CAMSAP1: variants seen among roughly 807,000 people sequenced by gnomAD.
CAMSAP1 encodes the protein calmodulin-regulated spectrin-associated protein 1.
In CAMSAP1, 58 loss-of-function variants were observed where a neutral mutation model predicts 143.5. That is an observed-to-expected ratio of 0.40 (90% CI 0.33 to 0.50). The LOEUF (loss-of-function observed/expected upper bound fraction) is 0.50. Ranked by LOEUF, CAMSAP1 falls within the 20% of genes least tolerant of loss-of-function variation. CAMSAP1 has a pLI of 0.45. For synonymous variants in CAMSAP1, 945 were observed against 859.3 expected, an observed-to-expected ratio of 1.10 and a Z score of -1.74; for missense variants, 1,969 against 2,115.7, an observed-to-expected ratio of 0.93 and a Z score of 1.36.
At chr9:135,871,780 G>GT (rs1837578570) in intron 3 of CAMSAP1, among the ~76,000 whole-genome samples, 1 of 151,796 alleles carries the variant, frequency 6.6e-6, no homozygotes, top group South Asian at 2.1e-4. Flanking sequence ...AAAAAAAAAG[G>GT]TAAGTTATCT....
intron 5 of CAMSAP1, among the ~76,000 whole-genome samples, chr9:135,850,845 C>T (rs1226550032): frequency 1.3e-5 from 2 of 152,178 alleles, no homozygotes; most frequent in African/African-American, 2.4e-5. Context: ...ACAAGGTTTC[C>T]GTGTTTGTAA....
chr9:135,809,760 T>A lies in CAMSAP1; in HGVS notation c.*1549A>T, dbSNP rs989410110. ...AATCATACAGCCTTTAGTTCCCTAT[T>A]TACAGGACAGAGAGCGGCTGTGTCG... On this transcript the variant is annotated 3_prime_UTR_variant, in exon 17 of 17. Coordinates refer to ENST00000389532, the MANE Select transcript of CAMSAP1 (RefSeq NM_015447.4). 1 of 152,620 alleles carries A rather than the reference T, an allele frequency of 6.6e-6. No homozygotes were observed. Among genetic ancestry groups the A allele is most frequent in the African/African-American group, 2.4e-5 (1 of 41,444 alleles). The allele number at this position is 152,620 out of a possible 1,614,324, so 9.5% of individuals were successfully genotyped here.
chr9:135,880,017 A>G (rs1837887106), intron 3 of CAMSAP1, among the ~76,000 whole-genome samples: 1 of 151,862 alleles, frequency 6.6e-6, no homozygotes, highest in African/African-American at 2.4e-5. Flanking sequence ...AATGTTAACC[A>G]TTTTCATAGG....
At chr9:135,865,418 C>T in intron 4 of CAMSAP1, 2 of 1,530,546 alleles carry the variant, frequency 1.3e-6, no homozygotes, top group East Asian at 4.9e-5. Flanking sequence ...CAGAGCAGGT[C>T]CACGTGTGGA....
At chr9:135,895,976 C>T (rs1838436127) in intron 1 of CAMSAP1, among the ~76,000 whole-genome samples, 1 of 152,002 alleles carries the variant, frequency 6.6e-6, no homozygotes, top group South Asian at 2.1e-4. Flanking sequence ...GAAACAGGAA[C>T]AAGAAACAGA....
At chr9:135,867,340 T>C (rs1359229313) in intron 3 of CAMSAP1, among the ~76,000 whole-genome samples, 2 of 152,136 alleles carry the variant, frequency 1.3e-5, no homozygotes, top group Non-Finnish European at 2.9e-5. Flanking sequence ...TTTGTATGCA[T>C]GATTAAAAGA....
intron 5 of CAMSAP1, among the ~76,000 whole-genome samples, chr9:135,861,209 C>A (rs1448988577): frequency 1.3e-5 from 2 of 152,206 alleles, no homozygotes; most frequent in African/African-American, 4.8e-5. Flanking sequence ...CATGGAAACT[C>A]AGGCCCAAGG....
At chr9:135,879,750 T>C (rs1588499086) in intron 3 of CAMSAP1, among the ~76,000 whole-genome samples, 1 of 151,946 alleles carries the variant, frequency 6.6e-6, no homozygotes, top group East Asian at 1.9e-4. Context: ...AGGGAAATCA[T>C]CGTGGCTGGA....
Position 135,858,455 on chromosome 9 carries a change from T to C in CAMSAP1, c.808+4012A>G, listed in dbSNP as rs574320180. 3.9e-5 allele frequency among the ~76,000 whole-genome samples: 6 copies of C among 152,314 alleles called. 1 individual carries two copies. The highest frequency in any genetic ancestry group is 3.9e-4 in the East Asian group (2 of 5,182). ...CAAAACAGGTAAAACCCTGCCCCTG[T>C]TGAGCTCACACTAGCAAGTCCCACT... On this transcript the variant is annotated intron_variant, in intron 5 of 16. Transcript: ENST00000389532.
chr9:135,855,864 A>C (rs1385924163), intron 5 of CAMSAP1, among the ~76,000 whole-genome samples: 2 of 152,014 alleles, frequency 1.3e-5, no homozygotes, highest in African/African-American at 4.8e-5. Context: ...CATCCTGGCT[A>C]ACACGGTGAA....
intron 7 of CAMSAP1, among the ~76,000 whole-genome samples, chr9:135,844,730 C>G (rs577230716): frequency 6.6e-6 from 1 of 152,168 alleles, no homozygotes; most frequent in Non-Finnish European, 1.5e-5. Context: ...TCAGAGAATA[C>G]TATAAACAAC....
In CAMSAP1 at chr9:135,865,378, G is replaced by A. The variant is rs891565349; in HGVS notation, c.666+1078C>T. On this transcript the variant is annotated intron_variant, in intron 4 of 16. Coordinates refer to ENST00000389532, the MANE Select transcript of CAMSAP1 (RefSeq NM_015447.4). ...CTTGGAGGGAGACTGCTCAGGAAGC[G>A]AGAGAAGGAAGGCAGGAGAGGAGCA... The A allele has an allele frequency of 1.5e-5, 23 of 1,550,626 alleles. No homozygotes were observed. The East Asian group carries it at 2.2e-4, about 15-fold the overall frequency.
At chr9:135,863,837 G>A (rs778198042) in intron 4 of CAMSAP1, among the ~76,000 whole-genome samples, 44 of 152,128 alleles carry the variant, frequency 2.9e-4, no homozygotes, top group African/African-American at 3.6e-4. Flanking sequence ...CACAGCATGC[G>A]CCAGGCCAGG....
rs548527841 is a variant in CAMSAP1, at chr9:135,904,622, T to C, written c.160+2378A>G. On this transcript the variant is annotated intron_variant, in intron 1 of 16. Transcript: ENST00000389532. ...AAACTTTTTTTTTTGTAATTACATA[T>C]GCTCCCCCTGTGAAGCAAACTATAG... Among the ~76,000 whole-genome samples the C allele has an allele frequency of 9.9e-5, 15 of 151,994 alleles. No homozygotes were observed. The South Asian group carries it at 2.7e-3, about 27-fold the overall frequency.
chr9:135,818,743 C>T lies in CAMSAP1; in HGVS notation c.3960-127G>A. On this transcript the variant is annotated intron_variant, in intron 12 of 16. Coordinates refer to ENST00000389532, the MANE Select transcript of CAMSAP1 (RefSeq NM_015447.4). This position sits in a 1 kb window ranked among gnomAD's most constrained non-coding sequence, Gnocchi z 7.7. ...GCCGCTGGGACCAAGAGTGGCCAGCCTCCACAAGCGGGACACAGAGGCTGC... is the reference window on the plus strand; with the variant it reads ...GCCGCTGGGACCAAGAGTGGCCAGCTTCCACAAGCGGGACACAGAGGCTGC... 10 of 1,227,312 alleles carry T rather than the reference C, an allele frequency of 8.1e-6. No individual in the cohort carries two copies. The highest frequency in any genetic ancestry group is 1.0e-5 in the Non-Finnish European group (9 of 897,442). The allele number at this position is 1,227,312 out of a possible 1,614,324, so 76.0% of individuals were successfully genotyped here. A position where few individuals can be genotyped will look rare whatever the true frequency, so the allele number is the denominator to read the frequency against.
At chr9:135,865,662 T>C (rs1304921153) in intron 4 of CAMSAP1, among the ~76,000 whole-genome samples, 1 of 151,932 alleles carries the variant, frequency 6.6e-6, no homozygotes, top group African/African-American at 2.4e-5. Flanking sequence ...GCGGGAAGGG[T>C]CTAGTGCTTA....
intron 3 of CAMSAP1, among the ~76,000 whole-genome samples, chr9:135,867,848 G>GC (rs2130947557): frequency 6.6e-6 from 1 of 152,358 alleles, no homozygotes; most frequent in African/African-American, 2.4e-5. Context: ...AGCCAGTGCA[G>GC]CCCCAGTGCT....
Position 135,820,276 on chromosome 9 carries a change from T to G in CAMSAP1, c.3822+563A>C, listed in dbSNP as rs764869950. Among the ~76,000 whole-genome samples the G allele has an allele frequency of 6.6e-6, 1 of 152,212 alleles. No individual in the cohort carries two copies. The highest frequency in any genetic ancestry group is 1.5e-5 in the Non-Finnish European group (1 of 68,024). On this transcript the variant is annotated intron_variant, in intron 11 of 16. Coordinates refer to ENST00000389532, the MANE Select transcript of CAMSAP1 (RefSeq NM_015447.4). The surrounding 1 kb of genome is among the most constrained non-coding windows in gnomAD (Gnocchi z 4.4). ...CATCTTAGGAGACGACGATATATGG[T>G]CTTATCATCTTAGGAGACAACGAAC...
rs1009955798 is a variant in CAMSAP1, at chr9:135,822,148, T to G, written c.2513A>C (p.Gln838Pro). ...CTCAGACGCATCTGGCGTGGTCTTC[T>G]GGGAGCTGCTGGTGCTGGACTTGGT... ...CETKSSTSSS[Q>P]KTTPDASESC... The change falls in exon 11 of 17, where the codon CAG becomes CCG. Residue 838 changes from glutamine (Q) to proline (P), a missense_variant. Gln to Pro is a moderately conservative substitution (Grantham distance 76, BLOSUM62 -1). Transcript: ENST00000389532. This position sits in a 1 kb window ranked among gnomAD's most constrained non-coding sequence, Gnocchi z 6.1. 7 of 1,613,378 alleles carry G rather than the reference T, an allele frequency of 4.3e-6. No individual in the cohort carries two copies. In the African/African-American group the frequency reaches 6.7e-5, roughly 15 times the overall value.
Sources: allele counts gnomAD v4.1 joint callset (sites outside exome capture counted in the v4.1 genomes callset), GRCh38; gene constraint gnomAD v4.1.1; non-coding constraint Gnocchi (gnomAD v3.1); transcripts MANE v1.5; gene names NCBI Gene and HGNC (gene_info 2026-07-23, HGNC 2026-07-21).